RAB38: variants seen among roughly 807,000 people sequenced by gnomAD.
RAB38 encodes the protein ras-related protein Rab-38.
A neutral mutation model predicts 18.4 loss-of-function variants in RAB38; 15 were observed. That is an observed-to-expected ratio of 0.82 (90% CI 0.55 to 1.26). The LOEUF is 1.26. Among genes scored for constraint, RAB38 ranks in the 50% most tolerant of loss-of-function variants. The pLI, the probability that RAB38 is intolerant of heterozygous loss-of-function variation, is 0.00. For missense variants in RAB38, 294 were observed against 267.4 expected (o/e 1.10, Z -0.69); for synonymous variants, 101 against 104.4 (o/e 0.97, Z 0.20).
the RAB38 span, among the ~76,000 whole-genome samples, chr11:88,012,864 A>T: frequency 6.6e-6 from 1 of 152,202 alleles, no homozygotes; most frequent in Non-Finnish European, 1.5e-5. Flanking sequence ...ATTGATTTTT[A>T]AAAAAGCTCA....
At chr11:87,856,802 GA>G in the RAB38 span, among the ~76,000 whole-genome samples, 2 of 152,020 alleles carry the variant, frequency 1.3e-5, no homozygotes, top group Non-Finnish European at 2.9e-5. Context: ...AGTATGTCAT[GA>G]AACCTAGATC....
intron 2 of RAB38, 34 bp downstream of exon 2, chr11:88,149,641 C>T (rs1943037010): frequency 3.2e-6 from 5 of 1,569,696 alleles, no homozygotes; most frequent in African/African-American, 2.7e-5. Context: ...GTGAACCTTG[C>T]TTATATTAAG....
chr11:88,081,391 C>T, the RAB38 span, among the ~76,000 whole-genome samples: 34,415 of 151,852 alleles, frequency 0.23, 4,638 homozygotes, highest in Non-Finnish European at 0.3. Context: ...ACACATACTC[C>T]AAACCTGACA....
the RAB38 span, among the ~76,000 whole-genome samples, chr11:87,958,968 C>A: frequency 6.6e-6 from 1 of 152,140 alleles, no homozygotes; most frequent in Non-Finnish European, 1.5e-5. Context: ...CACAGGCCTC[C>A]AATTTCTGCC....
At chr11:88,150,602 C>T (rs1943051753) in intron 1 of RAB38, among the ~76,000 whole-genome samples, 2 of 152,162 alleles carry the variant, frequency 1.3e-5, no homozygotes. Context: ...TTCATGTTTA[C>T]TAACCATGAG....
At chr11:87,963,012 C>T in the RAB38 span, among the ~76,000 whole-genome samples, 1 of 151,980 alleles carries the variant, frequency 6.6e-6, no homozygotes, top group African/African-American at 2.4e-5. Context: ...AAAGATGAGA[C>T]TATTGATATG....
the RAB38 span, among the ~76,000 whole-genome samples, chr11:87,959,774 T>C: frequency 6.6e-6 from 1 of 152,168 alleles, no homozygotes; most frequent in Non-Finnish European, 1.5e-5. Context: ...TGACATAGCA[T>C]CGATGAGCCC....
At chr11:88,031,863 G>A in the RAB38 span, among the ~76,000 whole-genome samples, 1 of 152,132 alleles carries the variant, frequency 6.6e-6, no homozygotes, top group Non-Finnish European at 1.5e-5. Flanking sequence ...TTTCTTCACA[G>A]AATTGGAAAA....
At chr11:88,115,875 AAAGATT>A (rs1942544112) in intron 2 of RAB38, 1 of 152,184 alleles carries the variant, frequency 6.6e-6, no homozygotes, top group Admixed American at 6.5e-5. Flanking sequence ...CCTTTAAGAT[AAAGATT>A]ATGTTTTTTG....
the RAB38 span, among the ~76,000 whole-genome samples, chr11:87,842,067 A>G: frequency 1.1e-4 from 17 of 152,340 alleles, 1 homozygote; most frequent in Middle Eastern, 0.01. Flanking sequence ...AAATGCAATT[A>G]TCTTTGTATA....
the RAB38 span, among the ~76,000 whole-genome samples, chr11:87,826,483 T>A: frequency 1.1e-4 from 17 of 152,080 alleles, no homozygotes; most frequent in African/African-American, 3.1e-4. Context: ...TATATTTTTT[T>A]AAAAAATAAA....
At chr11:87,868,393 G>C in the RAB38 span, among the ~76,000 whole-genome samples, 1 of 151,536 alleles carries the variant, frequency 6.6e-6, no homozygotes, top group African/African-American at 2.4e-5. Context: ...AGATGTTAGT[G>C]CTATGCTTCT....
the RAB38 span, among the ~76,000 whole-genome samples, chr11:87,966,153 T>C: frequency 6.6e-6 from 1 of 152,054 alleles, no homozygotes; most frequent in Non-Finnish European, 1.5e-5. Context: ...ACCAAAGATA[T>C]GGGCTGGAGG....
intron 2 of RAB38, among the ~76,000 whole-genome samples, chr11:88,120,006 T>C (rs968809262): frequency 2.0e-5 from 3 of 152,226 alleles, no homozygotes; most frequent in Non-Finnish European, 4.4e-5. Context: ...ACACCTAACA[T>C]GGGTGCTAGT....
At chr11:87,959,225 C>A in the RAB38 span, among the ~76,000 whole-genome samples, 14 of 152,198 alleles carry the variant, frequency 9.2e-5, no homozygotes, top group African/African-American at 3.4e-4. Flanking sequence ...ATATCTCCTG[C>A]CTCATTGTGA....
the RAB38 span, among the ~76,000 whole-genome samples, chr11:88,015,502 G>T: frequency 4.6e-5 from 7 of 152,096 alleles, no homozygotes; most frequent in Non-Finnish European, 1.0e-4. Context: ...CACATAATAA[G>T]TGATCGATAG....
At chr11:87,885,812 G>T in the RAB38 span, among the ~76,000 whole-genome samples, 1 of 151,980 alleles carries the variant, frequency 6.6e-6, no homozygotes, top group Admixed American at 6.6e-5. Context: ...TTTAAAAAAT[G>T]AGGTACCAGC....
chr11:88,015,052 A>AT, the RAB38 span, among the ~76,000 whole-genome samples: 1,064 of 149,780 alleles, frequency 7.1e-3, 5 homozygotes, highest in African/African-American at 0.02. Flanking sequence ...AGTTGCCTGT[A>AT]TTTTTTTTTT....
chr11:87,865,279 C>G, the RAB38 span, among the ~76,000 whole-genome samples: 1 of 151,610 alleles, frequency 6.6e-6, no homozygotes, highest in Non-Finnish European at 1.5e-5. Context: ...CTTGAAGTGT[C>G]AAATTATGCT....
Sources: gnomAD v4.1 joint callset for allele counts (sites outside exome capture counted in the v4.1 genomes callset) on GRCh38, gnomAD v4.1.1 for gene constraint, MANE v1.5 for transcripts, NCBI Gene and HGNC (gene_info 2026-07-23, HGNC 2026-07-21) for gene names.